The following APBA3 variants were observed in gnomAD, a reference collection of about 807,000 sequenced individuals.
APBA3 encodes amyloid beta precursor protein binding family A member 3, also known as amyloid-beta A4 precursor protein-binding family A member 3.
A neutral mutation model predicts 55.9 loss-of-function variants in APBA3; 45 were observed. That is an observed-to-expected ratio of 0.80 (90% CI 0.63 to 1.03). The LOEUF (loss-of-function observed/expected upper bound fraction) is 1.03, where lower values mean the gene tolerates loss of function less well. Ranked by LOEUF, APBA3 falls within the 50% of genes least tolerant of loss-of-function variation. The pLI is 0.00. For missense variants in APBA3, 865 were observed against 820.3 expected, an observed-to-expected ratio of 1.05 and a Z score of -0.67; for synonymous variants, 370 against 353.3, an observed-to-expected ratio of 1.05 and a Z score of -0.53.
At chr19:3,752,478 G>A in intron 8 of APBA3, 30 bp downstream of exon 8, 1 of 1,532,254 alleles carries the variant, frequency 6.5e-7, no homozygotes, top group Admixed American at 2.0e-5. Context: ...TCCTGGGAGT[G>A]TGGGGGCCCT....
intron 3 of APBA3, among the ~76,000 whole-genome samples, chr19:3,757,938 G>C (rs567744650): frequency 6.6e-6 from 1 of 152,116 alleles, no homozygotes; most frequent in Non-Finnish European, 1.5e-5. Flanking sequence ...ACTGAAATTT[G>C]TTTTTCTTTT....
intron 10 of APBA3, 29 bp downstream of exon 10, chr19:3,751,160 C>T (rs764911903): frequency 1.3e-6 from 2 of 1,553,926 alleles, no homozygotes; most frequent in East Asian, 2.4e-5. Flanking sequence ...CGTGGGGGCG[C>T]CCCTGGCCAC....
intron 3 of APBA3, among the ~76,000 whole-genome samples, chr19:3,759,193 C>G (rs145913903): frequency 6.6e-6 from 1 of 152,206 alleles, no homozygotes. Flanking sequence ...CAAGCCACTG[C>G]ACTCCAGCCT....
intron 3 of APBA3, chr19:3,754,823 C>T (rs111755477): frequency 4.7e-4 from 72 of 153,448 alleles, no homozygotes; most frequent in Non-Finnish European, 7.4e-4. Flanking sequence ...CCCACCACCA[C>T]GCCTGGCTAG....
At chr19:3,755,749 G>A (rs999639982) in intron 3 of APBA3, 11 of 150,764 alleles carry the variant, frequency 7.3e-5, no homozygotes, top group African/African-American at 2.7e-4. Flanking sequence ...TGAGCCGAGA[G>A]AGATCGCACC....
chr19:3,754,545 AGGACTCGCAGGT>A (rs1225501133), intron 3 of APBA3: 4 of 605,944 alleles, frequency 6.6e-6, no homozygotes, highest in Non-Finnish European at 1.1e-5. Flanking sequence ...CCATCCCTCA[AGGACTCGCAGGT>A]GGGAAACCAG....
Position 3,760,237 on chromosome 19 carries a change from G to A in APBA3, c.28C>T (p.Pro10Ser). MDFPTISRS[P>S]SGPPAMDLEG... The stretch of plus-strand genomic sequence containing the variant: ...AAGTCCATGGCTGGAGGCCCCGAAG[G>A]GGATCGGGAAATTGTGGGGAAGTCC... The change falls in exon 2 of 11, where the codon CCT (proline) becomes TCT (serine). Residue 10 changes from proline to serine, a missense_variant. Coordinates refer to ENST00000316757, the MANE Select transcript of APBA3 (RefSeq NM_004886.4). The A allele has an allele frequency of 6.2e-7, 1 of 1,605,206 alleles. No individual in the cohort carries two copies. Among genetic ancestry groups the A allele is most frequent in the South Asian group, 1.1e-5 (1 of 90,758 alleles).
chr19:3,752,780 TG>T (rs1252551080), intron 7 of APBA3, 39 bp downstream of exon 7: 3 of 1,609,522 alleles, frequency 1.9e-6, no homozygotes, highest in African/African-American at 1.3e-5. Context: ...TGCACGGGTG[TG>T]GGGGGCACCA....
At chr19:3,754,692 G>A (rs1256980548) in intron 3 of APBA3, 6 of 217,674 alleles carry the variant, frequency 2.8e-5, no homozygotes, top group Non-Finnish European at 4.5e-5. Flanking sequence ...TTTGAGACAC[G>A]GTCTCGCTCT....
At position 3,753,851 on chromosome 19, in the gene APBA3, G is replaced by A. The variant is rs777660238; in HGVS notation, c.925C>T (p.Arg309Trp). Reference sequence around the variant, plus strand: ...GCCGGCCTCCGTGCCAGCCGCCGCCGCGCCATCAGCACCAGCACGCAGCCG... The same window carrying A: ...GCCGGCCTCCGTGCCAGCCGCCGCCACGCCATCAGCACCAGCACGCAGCCG... ...DIGCVLVLMA[R>W]RRLARRPAPQ... The change falls in exon 6 of 11, where the codon CGG becomes TGG. Residue 309 changes from arginine (R) to tryptophan (W), a missense_variant. Physicochemically the swap from Arg to Trp is moderately radical, Grantham distance 101. Coordinates refer to ENST00000316757, the MANE Select transcript of APBA3 (RefSeq NM_004886.4). The A allele has an allele frequency of 2.6e-5, 40 of 1,567,790 alleles. No homozygotes were observed. The highest frequency in any genetic ancestry group is 8.1e-5 in the African/African-American group (6 of 74,150).
intron 2 of APBA3, 21 bp from the exon 3 acceptor site, chr19:3,759,621 G>A (rs371028793): frequency 1.2e-6 from 2 of 1,603,318 alleles, no homozygotes; most frequent in African/African-American, 2.7e-5. Flanking sequence ...ATAGAGGAGG[G>A]GCAGGACTGA....
chr19:3,759,475 T>A, intron 3 of APBA3, 86 bp downstream of exon 3: 1 of 1,358,322 alleles, frequency 7.4e-7, no homozygotes, highest in Non-Finnish European at 1.0e-6. Context: ...TCGTCCTTAC[T>A]GGCAAGCTGT....
intron 3 of APBA3, among the ~76,000 whole-genome samples, chr19:3,756,833 T>C (rs1314408968): frequency 6.6e-6 from 1 of 152,238 alleles, no homozygotes; most frequent in Non-Finnish European, 1.5e-5. Context: ...TAGTTCCATC[T>C]AGAACTTTCT....
chr19:3,753,927 C>T lies in APBA3; in HGVS notation c.850-1G>A. ...GCAGGGCGTGGTCCATCATGGCCTCCTGGGGCGGGAGAGGCAGCCTGGGTG... is the reference window on the plus strand; with the variant it reads ...GCAGGGCGTGGTCCATCATGGCCTCTTGGGGCGGGAGAGGCAGCCTGGGTG... On this transcript the variant is annotated splice_acceptor_variant, in intron 5 of 10. Transcript: ENST00000316757. LOFTEE classifies it high-confidence loss of function. 6.4e-7 allele frequency: 1 copy of T among 1,554,994 alleles called. No individual in the cohort carries two copies. The highest frequency in any genetic ancestry group is 8.7e-7 in the Non-Finnish European group (1 of 1,148,138).
rs1263594832 is a variant in APBA3 at position 3,753,887 on chromosome 19, T to G, written c.889A>C (p.Thr297Pro). The change falls in exon 6 of 11, where the codon ACA becomes CCA. Residue 297 changes from threonine (T) to proline (P), a missense_variant. Thr to Pro is a conservative substitution (Grantham distance 38). Coordinates refer to ENST00000316757, the MANE Select transcript of APBA3 (RefSeq NM_004886.4). ...MDHALHTISY[T>P]ADIGCVLVLM... ...ACCAGCACGCAGCCGATGTCGGCTGTGTAGGAGATGGTATGCAGGGCGTGG... is the reference window on the plus strand; with the variant it reads ...ACCAGCACGCAGCCGATGTCGGCTGGGTAGGAGATGGTATGCAGGGCGTGG... 1 of 1,559,268 alleles carries G rather than the reference T, an allele frequency of 6.4e-7. No individual in the cohort carries two copies. The highest frequency in any genetic ancestry group is 2.4e-5 in the East Asian group (1 of 41,898).
At position 3,754,039 on chromosome 19, in the gene APBA3, C is replaced by A. The variant is rs142650185; in HGVS notation, c.829G>T (p.Val277Phe). The change falls in exon 5 of 11, where the codon GTC (valine) becomes TTC (phenylalanine). Residue 277 changes from valine (V) to phenylalanine (F), a missense_variant. Coordinates refer to ENST00000316757, the MANE Select transcript of APBA3 (RefSeq NM_004886.4). Reference sequence around the variant, plus strand: ...CGTACCTGGGAGTCCGCTGTCAAGACCTTGATCCTCTTGGTGGAGACGAAC... The same window carrying A: ...CGTACCTGGGAGTCCGCTGTCAAGAACTTGATCCTCTTGGTGGAGACGAAC... The part of the protein sequence containing the change: ...DLFVSTKRIK[V>F]LTADSQEAMM... The A allele has an allele frequency of 3.1e-6, 5 of 1,610,998 alleles. No homozygotes were observed. Among genetic ancestry groups the A allele is most frequent in the Middle Eastern group, 1.7e-4 (1 of 6,050 alleles).
At chr19:3,753,121 C>A (rs1190701526) in intron 6 of APBA3, 131 bp from the exon 7 acceptor site, 4 of 1,066,774 alleles carry the variant, frequency 3.7e-6, no homozygotes, top group Non-Finnish European at 4.0e-6. Context: ...CAGCCTTCTG[C>A]CCTGGGGCTT....
intron 3 of APBA3, chr19:3,755,841 G>C (rs565274442): frequency 5.3e-5 from 8 of 150,128 alleles, no homozygotes; most frequent in African/African-American, 1.9e-4. Context: ...TTACTCTCAT[G>C]GTTCTAGAAT....
At chr19:3,757,840 C>T (rs2037096621) in intron 3 of APBA3, among the ~76,000 whole-genome samples, 2 of 152,238 alleles carry the variant, frequency 1.3e-5, no homozygotes, top group African/African-American at 4.8e-5. Context: ...TGCAGCTACT[C>T]ACCTCTGCCA....
Sources: allele counts gnomAD v4.1 joint callset (sites outside exome capture counted in the v4.1 genomes callset), GRCh38; gene constraint gnomAD v4.1.1; transcripts MANE v1.5; gene names NCBI Gene and HGNC (gene_info 2026-07-23, HGNC 2026-07-21).